The following CDK17 variants were observed in gnomAD, a reference collection of about 807,000 sequenced individuals.
CDK17 encodes the protein cyclin-dependent kinase 17.
In CDK17, 24 loss-of-function variants were observed where a neutral mutation model predicts 77.6. The ratio of observed to expected loss-of-function variants is 0.31; its 90% CI spans 0.22 to 0.44. The LOEUF (loss-of-function observed/expected upper bound fraction) is 0.44. CDK17 is among the 20% of genes least tolerant of loss of function. CDK17 has a pLI of 1.00. For missense variants in CDK17, 429 were observed against 622.5 expected (o/e 0.69, Z 3.31); for synonymous variants, 203 against 210.4 (o/e 0.96, Z 0.30).
chr12:96,285,827 GA>G (rs1952238518), intron 13 of CDK17: 1 of 291,188 alleles, frequency 3.4e-6, no homozygotes, highest in Non-Finnish European at 6.4e-6. Context: ...CTGTGGTACG[GA>G]ATAAGGCATT....
chr12:96,297,256 G>T lies in CDK17; in HGVS notation c.873+14C>A. On this transcript the variant is annotated intron_variant, in intron 9 of 16. Transcript: ENST00000261211. ...TAAACAAAATTTAAAAATTACACAC[G>T]CAAGAAAACATACCTTTACGTTGTG... 1.9e-6 allele frequency: 3 copies of T among 1,572,490 alleles called. No individual in the cohort carries two copies. The highest frequency in any genetic ancestry group is 2.2e-5 in the East Asian group (1 of 44,452).
At chr12:96,359,189 T>G (rs948128807) in intron 1 of CDK17, among the ~76,000 whole-genome samples, 1 of 152,164 alleles carries the variant, frequency 6.6e-6, no homozygotes, top group Non-Finnish European at 1.5e-5. Context: ...GCAGATTCTC[T>G]TCATAATTTA....
intron 1 of CDK17, among the ~76,000 whole-genome samples, chr12:96,366,374 A>T (rs745883450): frequency 1.1e-4 from 17 of 152,190 alleles, no homozygotes; most frequent in Non-Finnish European, 2.2e-4. Flanking sequence ...CATATAAGGG[A>T]AAGTAAAATA....
intron 1 of CDK17, among the ~76,000 whole-genome samples, chr12:96,380,576 A>T (rs1007570218): frequency 1.3e-5 from 2 of 152,162 alleles, no homozygotes; most frequent in African/African-American, 4.8e-5. Flanking sequence ...GGCGTGAGAC[A>T]CTGTGCCCGG....
chr12:96,328,193 A>G (rs1952915797), intron 2 of CDK17, among the ~76,000 whole-genome samples: 1 of 152,158 alleles, frequency 6.6e-6, no homozygotes, highest in Admixed American at 6.6e-5. Flanking sequence ...CCTTATGATA[A>G]TCTAACGCCT....
chr12:96,333,557 C>T (rs1362358329), intron 2 of CDK17, among the ~76,000 whole-genome samples: 1 of 151,852 alleles, frequency 6.6e-6, no homozygotes, highest in African/African-American at 2.4e-5. Flanking sequence ...GCCTGTAATC[C>T]CAGCTGCTCA....
chr12:96,344,536 A>G (rs182242381), intron 1 of CDK17, among the ~76,000 whole-genome samples: 1 of 152,322 alleles, frequency 6.6e-6, no homozygotes, highest in East Asian at 1.9e-4. Context: ...AGGCAGCAAT[A>G]GGAACGGCAT....
rs763223822 is a variant in CDK17, at chr12:96,324,084, T to C, written c.147A>G (p.Pro49=). The part of the protein sequence containing the change: ...NEPIVKNGRP[P]TSHSMHSFLH... The stretch of plus-strand genomic sequence containing the variant: ...GGAAGGAATGCATACTGTGAGACGT[T>C]GGAGGCCTGCCATTCTTCACAATAG... Residue 49 remains proline (P), a synonymous_variant, in exon 3 of 17, where the codon CCA becomes CCG. Coordinates refer to ENST00000261211, the MANE Select transcript of CDK17 (RefSeq NM_002595.5). The C allele has an allele frequency of 1.9e-6, 3 of 1,607,832 alleles. No homozygotes were observed. Among genetic ancestry groups the C allele is most frequent in the Non-Finnish European group, 1.7e-6 (2 of 1,177,132 alleles).
At chr12:96,385,225 T>G (rs141845815) in intron 1 of CDK17, among the ~76,000 whole-genome samples, 29 of 126,732 alleles carry the variant, frequency 2.3e-4, no homozygotes, top group Admixed American at 5.0e-4. Flanking sequence ...GGCAGGAGAG[T>G]TGCTTGAACC....
intron 1 of CDK17, among the ~76,000 whole-genome samples, chr12:96,371,976 GGAGAGA>G (rs1209472236): frequency 1.5e-5 from 2 of 136,470 alleles, no homozygotes; most frequent in Non-Finnish European, 3.1e-5. Flanking sequence ...GAGGGGGGAC[GGAGAGA>G]GAGAGACAGT....
intron 1 of CDK17, among the ~76,000 whole-genome samples, chr12:96,359,750 AG>A (rs951151766): frequency 1.3e-5 from 2 of 152,254 alleles, no homozygotes; most frequent in African/African-American, 4.8e-5. Context: ...TTTCTTAAAA[AG>A]ATTTATACTA....
chr12:96,300,399 T>C, intron 5 of CDK17, 39 bp from the exon 6 acceptor site: 1 of 1,265,674 alleles, frequency 7.9e-7, no homozygotes, highest in East Asian at 2.4e-5. Flanking sequence ...ATTTACTTTT[T>C]TTTTTTTTTT....
intron 1 of CDK17, among the ~76,000 whole-genome samples, chr12:96,375,966 C>CT (rs1327426247): frequency 6.6e-6 from 1 of 152,192 alleles, no homozygotes. Flanking sequence ...AATGCATTGT[C>CT]TTTGCAAATG....
Position 96,399,950 on chromosome 12 carries a change from G to A in CDK17, c.-30+36C>T, listed in dbSNP as rs1279717126. ...GGCCCCGCGGCCGACCCGACACCAGGGGAAAGCGCGGCGCGGACGCCAGCC... is the reference window on the plus strand; with the variant it reads ...GGCCCCGCGGCCGACCCGACACCAGAGGAAAGCGCGGCGCGGACGCCAGCC... On this transcript the variant is annotated intron_variant, in intron 1 of 16. Coordinates refer to ENST00000261211, the MANE Select transcript of CDK17 (RefSeq NM_002595.5). 3 of 369,710 alleles carry A rather than the reference G, an allele frequency of 8.1e-6. No homozygotes were observed. In the East Asian group the frequency reaches 1.2e-4, roughly 15 times the overall value. 22.9% of individuals were successfully genotyped at this position (369,710 alleles called of 1,614,324 possible). A position where few individuals can be genotyped will look rare whatever the true frequency, so the allele number is the denominator to read the frequency against.
chr12:96,315,556 C>T (rs1473363977), intron 3 of CDK17, among the ~76,000 whole-genome samples: 1 of 152,170 alleles, frequency 6.6e-6, no homozygotes, highest in East Asian at 1.9e-4. Context: ...TCATTTCTGT[C>T]ACACCTTCAA....
chr12:96,326,245 A>G (rs1952890088), intron 2 of CDK17, among the ~76,000 whole-genome samples: 1 of 152,196 alleles, frequency 6.6e-6, no homozygotes, highest in Admixed American at 6.5e-5. Flanking sequence ...GATAAACACT[A>G]TTCTAGGCAC....
intron 6 of CDK17, among the ~76,000 whole-genome samples, chr12:96,299,669 G>A (rs531725324): frequency 6.6e-6 from 1 of 152,264 alleles, no homozygotes; most frequent in African/African-American, 2.4e-5. Context: ...GATTACAGGC[G>A]TGAGCCACCG....
chr12:96,312,562 T>C (rs950712426), intron 4 of CDK17, among the ~76,000 whole-genome samples: 4 of 152,308 alleles, frequency 2.6e-5, no homozygotes, highest in Middle Eastern at 6.8e-3. Flanking sequence ...TTAAGAAGAA[T>C]CCTTTTATAA....
chr12:96,353,207 A>G (rs1953338618), intron 1 of CDK17, among the ~76,000 whole-genome samples: 1 of 152,186 alleles, frequency 6.6e-6, no homozygotes, highest in Admixed American at 6.5e-5. Flanking sequence ...CAGGCCATAC[A>G]TGCTGTTTCA....
Sources: gnomAD v4.1 joint callset for allele counts (sites outside exome capture counted in the v4.1 genomes callset) on GRCh38, gnomAD v4.1.1 for gene constraint, MANE v1.5 for transcripts, NCBI Gene and HGNC (gene_info 2026-07-23, HGNC 2026-07-21) for gene names.